The following ZNF518B variants were observed in gnomAD, a reference collection of about 807,000 sequenced individuals.
ZNF518B encodes zinc finger protein 518B.
In ZNF518B, 23 loss-of-function variants were observed where a neutral mutation model predicts 56.3. That is an observed-to-expected ratio of 0.41 (90% confidence interval 0.29 to 0.58). The LOEUF is 0.58. Ranked by LOEUF, ZNF518B falls within the 20% of genes least tolerant of loss-of-function variation. The pLI is 0.32. For synonymous variants in ZNF518B, 529 were observed against 465.9 expected (o/e 1.14, Z -1.74); for missense variants, 1,460 against 1,272.1 (o/e 1.15, Z -2.25).
chr4:10,446,709 T>C (rs780968213), intron 2 of ZNF518B, among the ~76,000 whole-genome samples, 170 bp from the exon 3 acceptor site: 4 of 152,222 alleles, frequency 2.6e-5, no homozygotes, highest in African/African-American at 7.2e-5. Context: ...TAAGCCTAAA[T>C]TGAAAACATT....
intron 2 of ZNF518B, chr4:10,452,405 C>G (rs1715357235): frequency 6.6e-6 from 1 of 152,062 alleles, no homozygotes; most frequent in South Asian, 2.1e-4. Flanking sequence ...TCTCTTTCAC[C>G]ATAGCAAAGG....
Position 10,445,723 on chromosome 4 carries a change from A to AT in ZNF518B, c.605dup (p.Asn202LysfsTer2), listed in dbSNP as rs1201992096. The AT allele has an allele frequency of 6.2e-7, 1 of 1,614,038 alleles. No individual in the cohort carries two copies. Among genetic ancestry groups the AT allele is most frequent in the Non-Finnish European group, 8.5e-7 (1 of 1,180,048 alleles). On this transcript the variant is annotated frameshift_variant, in exon 3 of 3. Transcript: ENST00000326756. LOFTEE classifies it low-confidence loss of function (END_TRUNC). ...TCTTCGTGTGTTTGACAATATAATC[A>AT]TTTCTAATAGCACCATAGTCACAAT...
At chr4:10,460,329 A>AAAAAAAAAC (rs1715708885), upstream of ZNF518B, among the ~76,000 whole-genome samples, 1 of 143,248 alleles carries the variant, frequency 7.0e-6, no homozygotes, top group Non-Finnish European at 1.5e-5. Flanking sequence ...AAAAACCAAA[A>AAAAAAAAAC]AAAAAAAAAC....
intron 1 of ZNF518B, among the ~76,000 whole-genome samples, chr4:10,456,430 T>C (rs942044337): frequency 2.0e-5 from 3 of 152,052 alleles, no homozygotes; most frequent in African/African-American, 7.2e-5. Flanking sequence ...CAGGCCGGTA[T>C]GGGGAGGTCC....
chr4:10,460,016 T>C (rs1715694520), upstream of ZNF518B, among the ~76,000 whole-genome samples: 1 of 151,874 alleles, frequency 6.6e-6, no homozygotes, highest in African/African-American at 2.4e-5. Context: ...CAACAAAACA[T>C]GTATTGGGCT....
chr4:10,456,461 G>C (rs1016393919), intron 1 of ZNF518B, among the ~76,000 whole-genome samples: 1 of 152,072 alleles, frequency 6.6e-6, no homozygotes, highest in Non-Finnish European at 1.5e-5. Context: ...TCAGCATTTG[G>C]AACAATTCAA....
Position 10,445,191 on chromosome 4 carries a change from C to T in ZNF518B, c.1138G>A (p.Gly380Ser). The stretch of plus-strand genomic sequence containing the variant: ...TCTTTCACCATACGTTCAGAATTAC[C>T]TCCATTATCCCTCCCAGCTTCAAGG... ...NCLEAGRDNG[G>S]NSERMVKEKG... The change falls in exon 3 of 3, where the codon GGT (glycine) becomes AGT (serine). Residue 380 changes from glycine to serine, a missense_variant. Gly to Ser is a moderately conservative substitution (Grantham distance 56). Coordinates refer to ENST00000326756, the MANE Select transcript of ZNF518B (RefSeq NM_053042.3). The T allele has an allele frequency of 5.0e-6, 8 of 1,614,186 alleles. No homozygotes were observed. Among genetic ancestry groups the T allele is most frequent in the South Asian group, 1.1e-5 (1 of 91,084 alleles).
Position 10,444,201 on chromosome 4 carries a change from T to C in ZNF518B, c.2128A>G (p.Ile710Val), listed in dbSNP as rs756039278. The C allele has an allele frequency of 1.2e-6, 2 of 1,614,096 alleles. No homozygotes were observed. Among genetic ancestry groups the C allele is most frequent in the Non-Finnish European group, 1.7e-6 (2 of 1,180,042 alleles). The part of the protein sequence containing the change: ...SKATSEGIQE[I>V]NVSLTGLGHS... ...CCAAGACCAGTGAGTGACACGTTGA[T>C]TTCTTGAATACCTTCAGAGGTAGCT... The change falls in exon 3 of 3, where the codon ATC becomes GTC. Residue 710 changes from isoleucine to valine, a missense_variant. Physicochemically the swap from Ile to Val is conservative, Grantham distance 29 (BLOSUM62 3). Coordinates refer to ENST00000326756, the MANE Select transcript of ZNF518B (RefSeq NM_053042.3).
At chr4:10,456,065 G>C (rs1715512522) in intron 1 of ZNF518B, among the ~76,000 whole-genome samples, 1 of 152,312 alleles carries the variant, frequency 6.6e-6, no homozygotes, top group South Asian at 2.1e-4. Context: ...CAAGCTTCTA[G>C]AGACCCAGGT....
rs7694496 is a variant in ZNF518B at position 10,443,803 on chromosome 4, A to C, written c.2526T>G (p.Pro842=). The C allele has an allele frequency of 6.2e-7, 1 of 1,614,118 alleles. No individual in the cohort carries two copies. The highest frequency in any genetic ancestry group is 8.5e-7 in the Non-Finnish European group (1 of 1,180,034). ...TCTCTTTTCTCAGTTTAGGCCGCAGAGGTGTCTCGATATTTGGGGACATAT... is the reference window on the plus strand; with the variant it reads ...TCTCTTTTCTCAGTTTAGGCCGCAGCGGTGTCTCGATATTTGGGGACATAT... ...PIDMSPNIET[P]LRPKLRKESA... The change falls in exon 3 of 3, where the codon CCT becomes CCG. Residue 842 remains proline (P), a synonymous_variant. Transcript: ENST00000326756.
At chr4:10,452,881 T>C (rs560731722) in intron 2 of ZNF518B, 4 of 152,316 alleles carry the variant, frequency 2.6e-5, no homozygotes, top group South Asian at 2.1e-4. Flanking sequence ...AATGTACCCA[T>C]GCTTGGGATC....
chr4:10,459,961 A>G (rs1715690333), upstream of ZNF518B, among the ~76,000 whole-genome samples: 1 of 152,156 alleles, frequency 6.6e-6, no homozygotes, highest in African/African-American at 2.4e-5. Flanking sequence ...CCAGTCCTTG[A>G]GTATAAGATT....
intron 1 of ZNF518B, among the ~76,000 whole-genome samples, chr4:10,456,425 C>G (rs561514672): frequency 2.6e-5 from 4 of 152,084 alleles, no homozygotes; most frequent in Admixed American, 2.6e-4. Context: ...ACGGGCAGGC[C>G]GGTATGGGGA....
Position 10,444,452 on chromosome 4 carries a change from T to C in ZNF518B, c.1877A>G (p.Asn626Ser). The change falls in exon 3 of 3, where the codon AAC becomes AGC. Residue 626 changes from asparagine to serine, a missense_variant. Coordinates refer to ENST00000326756, the MANE Select transcript of ZNF518B (RefSeq NM_053042.3). ...LELKNSERTN[N>S]TNDGPVISSV... ...TGAGATGACTGGGCCATCATTAGTG[T>C]TGTTAGTCCTTTCAGAATTCTTTAA... 6.2e-7 allele frequency: 1 copy of C among 1,614,232 alleles called. No individual in the cohort carries two copies. Among genetic ancestry groups the C allele is most frequent in the South Asian group, 1.1e-5 (1 of 91,084 alleles).
Position 10,444,795 on chromosome 4 carries a change from A to T in ZNF518B, c.1534T>A (p.Cys512Ser). ...SNPFPYKAAV[C>S]FAESGRNLHS... The stretch of plus-strand genomic sequence containing the variant: ...AAATTTCTTCCACTTTCAGCAAAAC[A>T]AACAGCAGCTTTATATGGAAAAGGG... The change falls in exon 3 of 3, where the codon TGT becomes AGT. Residue 512 changes from cysteine (C) to serine (S), a missense_variant. Cys to Ser is a moderately radical substitution (Grantham distance 112, BLOSUM62 -1). Transcript: ENST00000326756. 2 of 1,613,882 alleles carry T rather than the reference A, an allele frequency of 1.2e-6. No individual in the cohort carries two copies. Among genetic ancestry groups the T allele is most frequent in the Non-Finnish European group, 1.7e-6 (2 of 1,179,870 alleles).
At chr4:10,454,146 T>G (rs1350699609) in intron 2 of ZNF518B, 3 of 152,122 alleles carry the variant, frequency 2.0e-5, no homozygotes, top group East Asian at 3.9e-4. Flanking sequence ...GTACAAGATT[T>G]TATATTCTTG....
rs142228014 is a variant in ZNF518B, at chr4:10,450,941, A to C, written c.-212+3864T>G. On this transcript the variant is annotated intron_variant, in intron 2 of 2. Transcript: ENST00000326756. ...TTATTAATCTGCCTGTTTTCAAAAA[A>C]TTATTTAGCAACATACAGTGAGTTT... is the stretch of plus-strand genomic sequence containing the variant. The C allele has an allele frequency of 2.0e-5, 3 of 152,358 alleles. No homozygotes were observed. In the East Asian group the frequency reaches 5.8e-4, roughly 29 times the overall value. The allele number at this position is 152,358 out of a possible 1,614,324, so 9.4% of individuals were successfully genotyped here.
Position 10,444,994 on chromosome 4 carries a change from A to G in ZNF518B, c.1335T>C (p.Ser445=). The change falls in exon 3 of 3, where the codon TCT becomes TCC. Residue 445 remains serine (S), a synonymous_variant. Coordinates refer to ENST00000326756, the MANE Select transcript of ZNF518B (RefSeq NM_053042.3). ...AGGATTTTCCATTGTTGTGCACACT[A>G]GAATTTGGCATAATAAAATCATAAG... ...VRSYDFIMPN[S]SVHNNGKSFI... 1.2e-6 allele frequency: 2 copies of G among 1,614,174 alleles called. No individual in the cohort carries two copies. The highest frequency in any genetic ancestry group is 8.5e-7 in the Non-Finnish European group (1 of 1,180,030).
Position 10,444,511 on chromosome 4 carries a change from A to C in ZNF518B, c.1818T>G (p.Asp606Glu), listed in dbSNP as rs749742701. ...EYLHINITGE[D>E]RSQQPGDKPL... Reference sequence around the variant, plus strand: ...GCTTATCCCCAGGCTGTTGAGATCTATCTTCTCCAGTTATGTTTATATGTA... The same window carrying C: ...GCTTATCCCCAGGCTGTTGAGATCTCTCTTCTCCAGTTATGTTTATATGTA... Residue 606 changes from aspartate (D) to glutamate (E), a missense_variant, in exon 3 of 3, where the codon GAT becomes GAG. Physicochemically the swap from Asp to Glu is conservative, Grantham distance 45. Transcript: ENST00000326756. 2 of 1,614,028 alleles carry C rather than the reference A, an allele frequency of 1.2e-6. No individual in the cohort carries two copies. The highest frequency in any genetic ancestry group is 1.7e-6 in the Non-Finnish European group (2 of 1,180,044).
Sources: gnomAD v4.1 joint callset for allele counts (sites outside exome capture counted in the v4.1 genomes callset) on GRCh38, gnomAD v4.1.1 for gene constraint, MANE v1.5 for transcripts, NCBI Gene and HGNC (gene_info 2026-07-23, HGNC 2026-07-21) for gene names.